Variants in WWOX observed in about 807,000 individuals in gnomAD.
WWOX encodes the protein WW domain-containing oxidoreductase.
WWOX carries 69 observed loss-of-function variants against 46.2 expected under a neutral mutation model. That is an observed-to-expected ratio of 1.49 (90% CI 1.23 to 1.82). The LOEUF (loss-of-function observed/expected upper bound fraction) is 1.82, where lower values mean the gene tolerates loss of function less well. Ranked by LOEUF, WWOX falls within the 40% of genes most tolerant of loss-of-function variation. The pLI is 0.00. For missense variants in WWOX, 919 were observed against 542.6 expected, an observed-to-expected ratio of 1.69 and a Z score of -6.89; for synonymous variants, 359 against 202.6, an observed-to-expected ratio of 1.77 and a Z score of -6.56.
chr16:78,382,471 C>T (rs777252203), intron 5 of WWOX, among the ~76,000 whole-genome samples: 10 of 152,162 alleles, frequency 6.6e-5, no homozygotes, highest in Non-Finnish European at 4.4e-5. Flanking sequence ...AGTCATAATT[C>T]TGGGTTATTC....
At chr16:78,694,129 G>C (rs1363139783) in intron 8 of WWOX, among the ~76,000 whole-genome samples, 1 of 152,090 alleles carries the variant, frequency 6.6e-6, no homozygotes, top group Non-Finnish European at 1.5e-5. Context: ...CTACTCTGTA[G>C]GCTGAGGCAG....
intron 8 of WWOX, among the ~76,000 whole-genome samples, chr16:78,974,895 A>G (rs910123482): frequency 3.9e-5 from 6 of 152,134 alleles, no homozygotes; most frequent in Non-Finnish European, 2.9e-5. Context: ...TGAAATGCTC[A>G]GCTGCAAGTC....
intron 8 of WWOX, among the ~76,000 whole-genome samples, chr16:78,536,906 T>C (rs902495134): frequency 3.0e-4 from 46 of 151,196 alleles, no homozygotes; most frequent in African/African-American, 1.0e-3. Flanking sequence ...CAAGTCTTTT[T>C]TTTTTTTTTT....
At chr16:79,064,919 C>G (rs1222860921) in intron 8 of WWOX, among the ~76,000 whole-genome samples, 1 of 152,142 alleles carries the variant, frequency 6.6e-6, no homozygotes, top group South Asian at 2.1e-4. Flanking sequence ...GTTCTGATGG[C>G]CAGTGCAAAT....
chr16:78,937,448 C>CTTTTTTTTTTT lies in WWOX; in HGVS notation c.1057-274144_1057-274134dup, dbSNP rs537642648. Among the ~76,000 whole-genome samples, 233 of 81,986 alleles carry CTTTTTTTTTTT rather than the reference C, an allele frequency of 2.8e-3. 22 individuals are homozygous for CTTTTTTTTTTT. The highest frequency in any genetic ancestry group is 0.012 in the African/African-American group (225 of 19,116). The allele number at this position is 81,986 out of a possible 152,430, so 53.8% of individuals were successfully genotyped here. ...TTAGAGAACTTTGTATTTGTATTAA[C>CTTTTTTTTTTT]TTTTTTTTTTTTTTTTTTTTTTTTT... is the stretch of plus-strand genomic sequence containing the variant. On this transcript the variant is annotated intron_variant, in intron 8 of 8. Transcript: ENST00000566780.
intron 8 of WWOX, among the ~76,000 whole-genome samples, chr16:78,988,793 T>A (rs924118089): frequency 6.6e-6 from 1 of 152,130 alleles, no homozygotes; most frequent in African/African-American, 2.4e-5. Context: ...TGTGCCCCAC[T>A]CCCAGCCTGT....
Position 78,099,657 on chromosome 16 carries a change from G to A in WWOX, c.-122G>A, listed in dbSNP as rs1435159436. ...GGCGGAGCGGCCCCTGGAGGGCGCA[G>A]TGCGCAGGCGTGAGCGGTCGGGCCC... is the stretch of plus-strand genomic sequence containing the variant. On this transcript the variant is annotated 5_prime_UTR_variant, in exon 1 of 9. In the 5' UTR this introduces an upstream ATG that the reference lacks. Transcript: ENST00000566780. 1 of 1,277,014 alleles carries A rather than the reference G, an allele frequency of 7.8e-7. No homozygotes were observed. 79.1% of individuals were successfully genotyped at this position (1,277,014 alleles called of 1,614,324 possible). A position where few individuals can be genotyped will look rare whatever the true frequency, so the allele number is the denominator to read the frequency against.
intron 8 of WWOX, among the ~76,000 whole-genome samples, chr16:78,523,828 CAGGCTCTCAGGGG>C (rs1235843041): frequency 1.3e-5 from 2 of 152,190 alleles, no homozygotes; most frequent in Non-Finnish European, 2.9e-5. Flanking sequence ...TTAGGAGGCC[CAGGCTCTCAGGGG>C]AGGCCCATAG....
rs535210775 is a variant in WWOX, at chr16:78,284,996, T to C, written c.517-101864T>C. Reference sequence around the variant, plus strand: ...GAAAATGGAACTGATCTTTCTGAAATAGGCATGCATGTAATGATGATGTCA... The same window carrying C: ...GAAAATGGAACTGATCTTTCTGAAACAGGCATGCATGTAATGATGATGTCA... On this transcript the variant is annotated intron_variant, in intron 5 of 8. Transcript: ENST00000566780. Among the ~76,000 whole-genome samples the C allele has an allele frequency of 4.6e-5, 7 of 152,324 alleles. No homozygotes were observed. In the South Asian group the frequency reaches 1.2e-3, roughly 27 times the overall value.
chr16:78,908,182 A>C (rs147801166), intron 8 of WWOX, among the ~76,000 whole-genome samples: 1 of 152,144 alleles, frequency 6.6e-6, no homozygotes, highest in African/African-American at 2.4e-5. Context: ...TAATTGCCCA[A>C]CGGGTTCTCC....
At chr16:78,107,484 G>A (rs942547537) in intron 1 of WWOX, among the ~76,000 whole-genome samples, 6 of 152,180 alleles carry the variant, frequency 3.9e-5, no homozygotes, top group Admixed American at 2.0e-4. Flanking sequence ...TAGCCCCTGA[G>A]ACCAGTGCTA....
At chr16:78,924,991 T>TC (rs2045465427) in intron 8 of WWOX, among the ~76,000 whole-genome samples, 1 of 152,134 alleles carries the variant, frequency 6.6e-6, no homozygotes, top group African/African-American at 2.4e-5. Context: ...GCTCAGGCGT[T>TC]CAAGACCAGC....
chr16:78,495,820 A>T (rs565309566), intron 8 of WWOX: 1 of 152,252 alleles, frequency 6.6e-6, no homozygotes, highest in East Asian at 1.9e-4. Context: ...GAAGATGGTC[A>T]TGTTTTACTT....
intron 8 of WWOX, among the ~76,000 whole-genome samples, chr16:78,440,656 G>A (rs750555728): frequency 3.4e-5 from 5 of 145,778 alleles, no homozygotes; most frequent in Admixed American, 7.0e-5. Context: ...TCTCTCCGTT[G>A]CCCGGATTGG....
chr16:78,882,881 C>A (rs866299560), intron 8 of WWOX, among the ~76,000 whole-genome samples: 43 of 151,966 alleles, frequency 2.8e-4, no homozygotes, highest in Non-Finnish European at 1.3e-4. Context: ...TGAGTGTCTG[C>A]TTGGTCGAGT....
intron 8 of WWOX, among the ~76,000 whole-genome samples, chr16:79,103,746 C>T (rs746216070): frequency 6.6e-6 from 1 of 151,986 alleles, no homozygotes; most frequent in South Asian, 2.1e-4. Context: ...CTATTAAGTC[C>T]GTTCAAGGCA....
intron 5 of WWOX, among the ~76,000 whole-genome samples, chr16:78,262,324 T>C (rs7202580): frequency 0.65 from 98,660 of 152,040 alleles, 32,934 homozygotes; most frequent in East Asian, 0.88. Flanking sequence ...CTGGTAGATA[T>C]AAAGTATTCT....
At position 79,073,700 on chromosome 16, in the gene WWOX, G is replaced by T. The variant is rs1421161881; in HGVS notation, c.1057-137908G>T. 2.0e-5 allele frequency among the ~76,000 whole-genome samples: 3 copies of T among 152,112 alleles called. No individual in the cohort carries two copies. In the East Asian group the frequency reaches 5.8e-4, roughly 29 times the overall value. On this transcript the variant is annotated intron_variant, in intron 8 of 8. Coordinates refer to ENST00000566780, the MANE Select transcript of WWOX (RefSeq NM_016373.4). ...TTCCCTGCTTGCCTTTGCAGCTAGA[G>T]TGATCCTTTGATGAAGTTCTAGTAA...
chr16:79,080,357 C>T (rs771765815), intron 8 of WWOX, among the ~76,000 whole-genome samples: 3 of 152,186 alleles, frequency 2.0e-5, no homozygotes, highest in Non-Finnish European at 4.4e-5. Context: ...CCTCTGTGCA[C>T]GTCGCAGAAG....
Sources: gnomAD v4.1 joint callset for allele counts (sites outside exome capture counted in the v4.1 genomes callset) on GRCh38, gnomAD v4.1.1 for gene constraint, MANE v1.5 for transcripts, NCBI Gene and HGNC (gene_info 2026-07-23, HGNC 2026-07-21) for gene names.